RSPO3: variants seen among roughly 807,000 people sequenced by gnomAD.
The protein encoded by RSPO3 is R-spondin 3, also known as R-spondin-3.
In RSPO3, 17 loss-of-function variants were observed where a neutral mutation model predicts 36.5. The observed-to-expected ratio is 0.47, with a 90% CI of 0.32 to 0.70. RSPO3 has a LOEUF of 0.70. Ranked by LOEUF, RSPO3 falls within the 30% of genes least tolerant of loss-of-function variation. RSPO3 has a pLI of 0.04. For synonymous variants in RSPO3, 108 were observed against 107.0 expected, an observed-to-expected ratio of 1.01 and a Z score of -0.06; for missense variants, 294 against 322.5, an observed-to-expected ratio of 0.91 and a Z score of 0.68.
At chr6:127,177,059 G>A (rs1266177270) in intron 4 of RSPO3, among the ~76,000 whole-genome samples, 1 of 151,784 alleles carries the variant, frequency 6.6e-6, no homozygotes, top group Non-Finnish European at 1.5e-5. Context: ...GCCTGCCTTT[G>A]GAGTTTATGA....
rs1276969648 is a variant in RSPO3 at position 127,155,387 on chromosome 6, G to A, written c.583G>A (p.Glu195Lys). Residue 195 changes from glutamate to lysine, a missense_variant, in exon 4 of 5, where the codon GAG becomes AAG. Glu to Lys is a moderately conservative substitution (Grantham distance 56). This residue lies in a region of RSPO3 where 190 missense variants were observed against 185.2 expected (regional missense o/e 1.03). Transcript: ENST00000356698. ...GGGTAACCTGTGTCCCCCAACAAAT[G>A]AGACAAGAAAGTGTACAGTGCAAAG... ...AKGNLCPPTNETRKCTVQRKK... is the reference protein window; with the variant it reads ...AKGNLCPPTNKTRKCTVQRKK... The A allele has an allele frequency of 6.2e-7, 1 of 1,613,842 alleles. No individual in the cohort carries two copies. The highest frequency in any genetic ancestry group is 8.5e-7 in the Non-Finnish European group (1 of 1,179,854).
At chr6:127,169,842 T>C (rs1452497778) in intron 4 of RSPO3, among the ~76,000 whole-genome samples, 1 of 124,542 alleles carries the variant, frequency 8.0e-6, no homozygotes, top group Non-Finnish European at 1.8e-5. Flanking sequence ...CTGTGCTTAC[T>C]TGCTTCTTTT....
intron 1 of RSPO3, among the ~76,000 whole-genome samples, chr6:127,139,204 G>T (rs1892171): frequency 6.6e-6 from 1 of 151,920 alleles, no homozygotes; most frequent in Non-Finnish European, 1.5e-5. Context: ...TCAGAATTTT[G>T]TATGTGATAC....
chr6:127,197,669 G>T lies in RSPO3; in HGVS notation c.*1662G>T, dbSNP rs6935292. ...TCTGGCTGCTTATCTCTGGACACCC[G>T]TTCTCCACCAGTTGTACAGTTCATG... On this transcript the variant is annotated 3_prime_UTR_variant, in exon 5 of 5. Transcript: ENST00000356698. 1.4e-3 allele frequency: 1,377 copies of T among 962,380 alleles called. 12 individuals are homozygous for T. In the African/African-American group the frequency reaches 0.017, roughly 12 times the overall value. 59.6% of individuals were successfully genotyped at this position (962,380 alleles called of 1,614,324 possible).
intron 1 of RSPO3, among the ~76,000 whole-genome samples, chr6:127,131,032 G>C (rs1401153735): frequency 1.3e-5 from 2 of 151,934 alleles, no homozygotes; most frequent in Non-Finnish European, 2.9e-5. Context: ...CTTTCATATA[G>C]CACATTTCTA....
chr6:127,120,565 A>G (rs1349757596), intron 1 of RSPO3, among the ~76,000 whole-genome samples: 1 of 152,170 alleles, frequency 6.6e-6, no homozygotes, highest in African/African-American at 2.4e-5. Flanking sequence ...AGCGCGGAGG[A>G]CACAACACCG....
At chr6:127,173,138 T>C (rs1774975793) in intron 4 of RSPO3, among the ~76,000 whole-genome samples, 1 of 151,348 alleles carries the variant, frequency 6.6e-6, no homozygotes, top group Non-Finnish European at 1.5e-5. Flanking sequence ...GTTGAAAAAA[T>C]TGAAAACCTC....
intron 1 of RSPO3, among the ~76,000 whole-genome samples, chr6:127,137,853 T>C (rs1774192063): frequency 6.6e-6 from 1 of 152,168 alleles, no homozygotes; most frequent in Non-Finnish European, 1.5e-5. Context: ...ATCTATACAT[T>C]TATGGGTTTT....
chr6:127,154,365 T>C (rs1388492468), intron 3 of RSPO3, among the ~76,000 whole-genome samples: 1 of 152,102 alleles, frequency 6.6e-6, no homozygotes, highest in Non-Finnish European at 1.5e-5. Flanking sequence ...TTCAAAAATC[T>C]GTTACAACCT....
At chr6:127,159,806 ACCTGGCT>A (rs1293749500) in intron 4 of RSPO3, among the ~76,000 whole-genome samples, 1 of 151,584 alleles carries the variant, frequency 6.6e-6, no homozygotes, top group Non-Finnish European at 1.5e-5. Context: ...ACGCTGCCAC[ACCTGGCT>A]AATTTTTTGT....
chr6:127,119,448 T>A (rs1377675424), intron 1 of RSPO3, among the ~76,000 whole-genome samples, 159 bp downstream of exon 1: 1 of 152,146 alleles, frequency 6.6e-6, no homozygotes, highest in Non-Finnish European at 1.5e-5. Context: ...GACGGCGTCT[T>A]TCACCCTTGC....
intron 3 of RSPO3, among the ~76,000 whole-genome samples, chr6:127,152,194 T>C (rs1774503350): frequency 6.6e-6 from 1 of 152,190 alleles, no homozygotes; most frequent in African/African-American, 2.4e-5. Flanking sequence ...TAAGTTTATA[T>C]ATTTTGGAAA....
intron 4 of RSPO3, among the ~76,000 whole-genome samples, chr6:127,169,430 A>G (rs745980626): frequency 6.6e-6 from 1 of 151,874 alleles, no homozygotes; most frequent in African/African-American, 2.4e-5. Context: ...AGGTATGTAT[A>G]AGCTATCTTG....
intron 4 of RSPO3, among the ~76,000 whole-genome samples, chr6:127,181,675 T>A (rs756699987): frequency 2.9e-4 from 44 of 151,970 alleles, no homozygotes; most frequent in Non-Finnish European, 4.4e-4. Context: ...CACCTTCCTC[T>A]CCCCAAATTC....
chr6:127,163,930 G>A (rs1030226819), intron 4 of RSPO3, among the ~76,000 whole-genome samples: 2 of 151,868 alleles, frequency 1.3e-5, no homozygotes. Context: ...TCACTGCATC[G>A]CCTTCTGCTC....
chr6:127,147,523 G>A (rs2114579195), intron 1 of RSPO3, among the ~76,000 whole-genome samples: 1 of 152,172 alleles, frequency 6.6e-6, no homozygotes, highest in East Asian at 1.9e-4. Flanking sequence ...TTTGAGTGGA[G>A]AACACATTAG....
At chr6:127,132,883 TTAA>T (rs1774085779) in intron 1 of RSPO3, among the ~76,000 whole-genome samples, 1 of 152,078 alleles carries the variant, frequency 6.6e-6, no homozygotes, top group Non-Finnish European at 1.5e-5. Context: ...TGCTACAGCA[TTAA>T]TGATTCCTGT....
rs1382884130 is a variant in RSPO3, at chr6:127,148,650, C to T, written c.100C>T (p.His34Tyr). ...ASRGRRQRRM[H>Y]PNVSQGCQGG... ...TCTTTCTACATTTGTCTCCACAGTG[C>T]ATCCTAACGTTAGTCAAGGCTGCCA... The change falls in exon 2 of 5, where the codon CAT (histidine) becomes TAT (tyrosine). Residue 34 changes from histidine (H) to tyrosine (Y), a missense_variant and splice_region_variant. Transcript: ENST00000356698. The T allele has an allele frequency of 5.0e-6, 8 of 1,609,400 alleles. No homozygotes were observed. The highest frequency in any genetic ancestry group is 5.1e-6 in the Non-Finnish European group (6 of 1,177,122).
chr6:127,189,303 A>G (rs1411034479), intron 4 of RSPO3, among the ~76,000 whole-genome samples: 1 of 151,646 alleles, frequency 6.6e-6, no homozygotes, highest in Non-Finnish European at 1.5e-5. Flanking sequence ...ATTCAACAGT[A>G]AGTCTGAGTT....
Sources: gnomAD v4.1 joint callset for allele counts (sites outside exome capture counted in the v4.1 genomes callset) on GRCh38, gnomAD v4.1.1 for gene constraint, gnomAD v4.1.1 regional missense constraint, MANE v1.5 for transcripts, NCBI Gene and HGNC (gene_info 2026-07-23, HGNC 2026-07-21) for gene names.